The following THSD7B variants were observed in gnomAD, a reference collection of about 807,000 sequenced individuals.
THSD7B encodes thrombospondin type 1 domain containing 7B, also known as thrombospondin type-1 domain-containing protein 7B.
Under a neutral mutation model 213.6 loss-of-function variants are expected in THSD7B, and 138 were observed. That is an observed-to-expected ratio of 0.65 (90% confidence interval 0.56 to 0.74). THSD7B has a LOEUF of 0.74. Among genes scored for constraint, THSD7B ranks in the 30% least tolerant of loss-of-function variants. The pLI, the probability that THSD7B is intolerant of heterozygous loss-of-function variation, is 0.00. For synonymous variants in THSD7B, 742 were observed against 687.0 expected, an observed-to-expected ratio of 1.08 and a Z score of -1.25; for missense variants, 1,931 against 1,991.5, an observed-to-expected ratio of 0.97 and a Z score of 0.58.
chr2:137,428,304 G>A (rs536771064), intron 14 of THSD7B, among the ~76,000 whole-genome samples: 3 of 152,264 alleles, frequency 2.0e-5, no homozygotes, highest in South Asian at 2.1e-4. Flanking sequence ...ATGAAAACAG[G>A]TGTTGGTGAG....
chr2:137,274,083 A>G (rs1190202653), intron 11 of THSD7B, among the ~76,000 whole-genome samples: 2 of 152,040 alleles, frequency 1.3e-5, no homozygotes, highest in Admixed American at 6.6e-5. Flanking sequence ...ACGTTCCCCA[A>G]AAATCAGTTC....
chr2:137,100,826 G>T (rs1688136554), intron 4 of THSD7B, among the ~76,000 whole-genome samples: 1 of 152,078 alleles, frequency 6.6e-6, no homozygotes, highest in Admixed American at 6.6e-5. Flanking sequence ...ATCCACCCAG[G>T]ACAAGATGGA....
At chr2:137,600,346 T>G (rs1285751587) in intron 17 of THSD7B, among the ~76,000 whole-genome samples, 4 of 152,218 alleles carry the variant, frequency 2.6e-5, no homozygotes, top group Non-Finnish European at 1.5e-5. Context: ...TGCCATATGA[T>G]TACAATGGAA....
intron 8 of THSD7B, 120 bp from the exon 9 acceptor site, chr2:137,232,779 G>C (rs1339109717): frequency 3.5e-6 from 3 of 864,868 alleles, no homozygotes; most frequent in Non-Finnish European, 5.4e-6. Context: ...CAGTGCAGTG[G>C]CTCAGGTCTT....
intron 17 of THSD7B, among the ~76,000 whole-genome samples, chr2:137,573,063 T>TAA (rs201536777): frequency 9.8e-5 from 14 of 142,342 alleles, no homozygotes; most frequent in African/African-American, 2.3e-4. Flanking sequence ...AAAAATACCT[T>TAA]AAAAAAAAAA....
chr2:137,516,540 A>T (rs2105160038), intron 15 of THSD7B, among the ~76,000 whole-genome samples: 1 of 152,282 alleles, frequency 6.6e-6, no homozygotes, highest in East Asian at 1.9e-4. Context: ...CTCTGAGCTG[A>T]CCTTGATTTC....
At chr2:137,631,859 C>T (rs1432873968) in intron 20 of THSD7B, among the ~76,000 whole-genome samples, 1 of 152,168 alleles carries the variant, frequency 6.6e-6, no homozygotes, top group Non-Finnish European at 1.5e-5. Flanking sequence ...TCATCCTGTG[C>T]AGAACTCTCT....
chr2:137,469,753 C>T (rs894394418), intron 15 of THSD7B, among the ~76,000 whole-genome samples: 10 of 152,164 alleles, frequency 6.6e-5, no homozygotes, highest in South Asian at 2.1e-4. Flanking sequence ...CAGGTGATAA[C>T]GTTCTGCTCT....
rs374921553 is a variant in THSD7B, at chr2:136,800,872, G to C, written c.-36+35185G>C. On this transcript the variant is annotated intron_variant, in intron 1 of 27. Transcript: ENST00000409968. Reference sequence around the variant, plus strand: ...TAACACAGCACTTTTGTAGATCTTAGAGACTTACTTTCTTTTTTTATTGCC... The same window carrying C: ...TAACACAGCACTTTTGTAGATCTTACAGACTTACTTTCTTTTTTTATTGCC... Among the ~76,000 whole-genome samples, 21 of 151,978 alleles carry C rather than the reference G, an allele frequency of 1.4e-4. No homozygotes were observed. In the East Asian group the frequency reaches 2.1e-3, roughly 15 times the overall value.
In THSD7B at chr2:136,878,554, T is replaced by C. The variant is rs200670336; in HGVS notation, c.-35-3590T>C. On this transcript the variant is annotated intron_variant, in intron 1 of 27. Coordinates refer to ENST00000409968, the MANE Select transcript of THSD7B (RefSeq NM_001316349.2). ...CACCAACAGTGTAAAAGTGTTCCTATTTCTCCACATCCTCTCCAGCACCTG... is the reference window on the plus strand; with the variant it reads ...CACCAACAGTGTAAAAGTGTTCCTACTTCTCCACATCCTCTCCAGCACCTG... 2.9e-3 allele frequency among the ~76,000 whole-genome samples: 439 copies of C among 152,170 alleles called. 11 individuals carry two copies. In the East Asian group the frequency reaches 0.07, roughly 24 times the overall value.
At chr2:136,795,412 G>T (rs992621492) in intron 1 of THSD7B, among the ~76,000 whole-genome samples, 1 of 151,840 alleles carries the variant, frequency 6.6e-6, no homozygotes, top group African/African-American at 2.4e-5. Flanking sequence ...ATTATGTTGG[G>T]CCCATCTGGA....
chr2:136,933,169 T>TTCCTTCCTTC (rs1684663372), intron 2 of THSD7B, among the ~76,000 whole-genome samples: 7 of 149,240 alleles, frequency 4.7e-5, no homozygotes, highest in East Asian at 2.0e-4. Context: ...CCTTCCTTCC[T>TTCCTTCCTTC]GTTCAACATT....
At chr2:137,639,144 C>G (rs1682890092) in intron 20 of THSD7B, among the ~76,000 whole-genome samples, 1 of 152,068 alleles carries the variant, frequency 6.6e-6, no homozygotes, top group African/African-American at 2.4e-5. Context: ...AGCAGGCCCT[C>G]CCATCACAGC....
intron 2 of THSD7B, among the ~76,000 whole-genome samples, chr2:137,007,560 A>G (rs1046453495): frequency 6.6e-6 from 1 of 152,160 alleles, no homozygotes; most frequent in African/African-American, 2.4e-5. Context: ...GGCTTGTAAA[A>G]TTTGAATTGG....
At chr2:137,460,507 A>G (rs1387608155) in intron 15 of THSD7B, among the ~76,000 whole-genome samples, 1 of 152,018 alleles carries the variant, frequency 6.6e-6, no homozygotes, top group Non-Finnish European at 1.5e-5. Flanking sequence ...GAGCATTTGG[A>G]TTCAAATATT....
At chr2:137,207,078 T>C (rs559656713) in intron 7 of THSD7B, among the ~76,000 whole-genome samples, 1 of 152,132 alleles carries the variant, frequency 6.6e-6, no homozygotes, top group Non-Finnish European at 1.5e-5. Flanking sequence ...TCATAGGTAA[T>C]TTAGGACTGT....
intron 2 of THSD7B, among the ~76,000 whole-genome samples, chr2:136,990,482 G>T (rs369311173): frequency 3.1e-4 from 47 of 152,136 alleles, no homozygotes; most frequent in East Asian, 9.7e-4. Flanking sequence ...AGAACTGTAG[G>T]GGGGGGACCA....
At chr2:137,328,305 A>T (rs183833020) in intron 12 of THSD7B, among the ~76,000 whole-genome samples, 29 of 152,300 alleles carry the variant, frequency 1.9e-4, no homozygotes, top group East Asian at 3.9e-4. Context: ...TTTATGCACA[A>T]ATACAGTCAC....
chr2:136,826,006 A>T (rs566643544), intron 1 of THSD7B, among the ~76,000 whole-genome samples: 1 of 152,176 alleles, frequency 6.6e-6, no homozygotes, highest in South Asian at 2.1e-4. Flanking sequence ...GGCCCTGGGG[A>T]TTCGGATGTA....
Sources: gnomAD v4.1 joint callset for allele counts (sites outside exome capture counted in the v4.1 genomes callset) on GRCh38, gnomAD v4.1.1 for gene constraint, MANE v1.5 for transcripts, NCBI Gene and HGNC (gene_info 2026-07-23, HGNC 2026-07-21) for gene names.